Variants in CD200R1 observed in about 807,000 individuals in gnomAD.
CD200R1 encodes CD200 receptor 1, also known as cell surface glycoprotein CD200 receptor 1.
Under a neutral mutation model 38.1 loss-of-function variants are expected in CD200R1, and 30 were observed. That is an observed-to-expected ratio of 0.79 (90% CI 0.59 to 1.07). CD200R1 has a LOEUF of 1.07. Ranked by LOEUF, CD200R1 falls within the 50% of genes least tolerant of loss-of-function variation. The pLI is 0.00. For synonymous variants in CD200R1, 128 were observed against 152.1 expected (o/e 0.84, Z 1.16); for missense variants, 372 against 415.4 (o/e 0.90, Z 0.91).
chr3:112,937,373 A>G (rs779690257), intron 2 of CD200R1, among the ~76,000 whole-genome samples: 7 of 151,890 alleles, frequency 4.6e-5, no homozygotes, highest in Non-Finnish European at 7.4e-5. Flanking sequence ...CAGCCAAACC[A>G]TATCAGAAGG....
chr3:112,938,719 A>G (rs1400623424), intron 2 of CD200R1, among the ~76,000 whole-genome samples: 1 of 152,100 alleles, frequency 6.6e-6, no homozygotes. Context: ...GAAATACTTC[A>G]AACTATTCCA....
chr3:112,972,400 G>C (rs1409470909), intron 1 of CD200R1, among the ~76,000 whole-genome samples: 1 of 152,078 alleles, frequency 6.6e-6, no homozygotes, highest in African/African-American at 2.4e-5. Context: ...ATAAAAATTA[G>C]CCCAAAGAAG....
Position 112,931,126 on chromosome 3 carries a change from T to A in CD200R1, c.182A>T (p.Tyr61Phe). Residue 61 changes from tyrosine to phenylalanine, a missense_variant, in exon 3 of 8, where the codon TAC becomes TTC. Coordinates refer to ENST00000308611, the MANE Select transcript of CD200R1 (RefSeq NM_138806.4). Reference protein sequence around the residue: ...CMDEKQITQNYSKVLAEVNTS... With the variant: ...CMDEKQITQNFSKVLAEVNTS... ...ATTACCTTCTGCGAGTACTTTCGAG[T>A]AGTTCTGTGTAATCTGTTTTTCATC... The A allele has an allele frequency of 6.2e-7, 1 of 1,610,430 alleles. No homozygotes were observed. Among genetic ancestry groups the A allele is most frequent in the South Asian group, 1.1e-5 (1 of 90,998 alleles).
rs760122945 is a variant in CD200R1 at position 112,928,895 on chromosome 3, C to T, written c.690G>A (p.Glu230=). 1.9e-6 allele frequency: 3 copies of T among 1,613,836 alleles called. No homozygotes were observed. Among genetic ancestry groups the T allele is most frequent in the African/African-American group, 1.3e-5 (1 of 74,920 alleles). ...TVTVKSTCHW[E]VHNVSTVTCH... The stretch of plus-strand genomic sequence containing the variant: ...AGGTCACGGTAGACACATTGTGGAC[C>T]TCCCAGTGGCATGTACTCTTAACAG... Residue 230 remains glutamate (E), a synonymous_variant, in exon 5 of 8, where the codon GAG becomes GAA. Coordinates refer to ENST00000308611, the MANE Select transcript of CD200R1 (RefSeq NM_138806.4).
intron 1 of CD200R1, among the ~76,000 whole-genome samples, chr3:112,952,044 CAA>C (rs34215425): frequency 1.5e-3 from 208 of 136,278 alleles, no homozygotes; most frequent in African/African-American, 3.9e-3. Flanking sequence ...AAAAGAATAA[CAA>C]AAAAAAAAAA....
At chr3:112,933,249 G>A (rs1451567555) in intron 2 of CD200R1, among the ~76,000 whole-genome samples, 3 of 152,184 alleles carry the variant, frequency 2.0e-5, no homozygotes, top group African/African-American at 7.2e-5. Flanking sequence ...ATGCCCTGAG[G>A]ATAGCCAAAC....
At chr3:112,935,719 G>A (rs1407452254) in intron 2 of CD200R1, among the ~76,000 whole-genome samples, 1 of 152,140 alleles carries the variant, frequency 6.6e-6, no homozygotes, top group Non-Finnish European at 1.5e-5. Flanking sequence ...GAGGAATAAA[G>A]ATCAGAGCAG....
In CD200R1 at chr3:112,921,540, A is replaced by T. The variant is rs1355711356; in HGVS notation, c.*2137T>A. On this transcript the variant is annotated 3_prime_UTR_variant, in exon 8 of 8. Coordinates refer to ENST00000308611, the MANE Select transcript of CD200R1 (RefSeq NM_138806.4). ...ATGGGGAGAAAGCACAGTAAATGAG[A>T]CATATAAAATGTTATTTGTAAAATG... 6.6e-6 allele frequency: 1 copy of T among 152,026 alleles called. No homozygotes were observed. The highest frequency in any genetic ancestry group is 6.6e-5 in the Admixed American group (1 of 15,230). The allele number at this position is 152,026 out of a possible 1,614,324, so 9.4% of individuals were successfully genotyped here. A position where few individuals can be genotyped will look rare whatever the true frequency, so the allele number is the denominator to read the frequency against.
intron 1 of CD200R1, among the ~76,000 whole-genome samples, chr3:112,948,159 T>C (rs1940904942): frequency 6.6e-6 from 1 of 152,178 alleles, no homozygotes; most frequent in Non-Finnish European, 1.5e-5. Context: ...AGAGTGCCCA[T>C]CACCCCCCTC....
intron 2 of CD200R1, among the ~76,000 whole-genome samples, chr3:112,944,041 C>T (rs944653624): frequency 6.6e-6 from 1 of 151,812 alleles, no homozygotes; most frequent in Non-Finnish European, 1.5e-5. Flanking sequence ...TAGATGGGTT[C>T]ACTGATAAAT....
intron 1 of CD200R1, among the ~76,000 whole-genome samples, chr3:112,959,731 CTCAAAGTT>C (rs1032758236): frequency 8.6e-5 from 13 of 152,006 alleles, no homozygotes; most frequent in African/African-American, 3.1e-4. Flanking sequence ...TTCAATAAGT[CTCAAAGTT>C]TCAAAGTTTC....
rs757737078 is a variant in CD200R1, at chr3:112,923,641, G to A, written c.*36C>T. 20 of 994,464 alleles carry A rather than the reference G, an allele frequency of 2.0e-5. No homozygotes were observed. Among genetic ancestry groups the A allele is most frequent in the Admixed American group, 9.7e-5 (5 of 51,412 alleles). 61.6% of individuals were successfully genotyped at this position (994,464 alleles called of 1,614,324 possible). On this transcript the variant is annotated 3_prime_UTR_variant, in exon 8 of 8. Coordinates refer to ENST00000308611, the MANE Select transcript of CD200R1 (RefSeq NM_138806.4). ...TCAGACAGTAATTATAATGTATCTC[G>A]TTTGTTGTTGTTTCTTGGTACTAGA...
At chr3:112,943,908 G>A (rs960336935) in intron 2 of CD200R1, among the ~76,000 whole-genome samples, 1 of 151,756 alleles carries the variant, frequency 6.6e-6, no homozygotes, top group Non-Finnish European at 1.5e-5. Context: ...CAATTTGGCA[G>A]TTTAAACAGG....
chr3:112,952,535 A>G (rs1940989605), intron 1 of CD200R1, among the ~76,000 whole-genome samples: 1 of 152,124 alleles, frequency 6.6e-6, no homozygotes, highest in Non-Finnish European at 1.5e-5. Context: ...CTATCGCAAG[A>G]ACAAAAAACC....
At chr3:112,938,836 A>G (rs990568296) in intron 2 of CD200R1, among the ~76,000 whole-genome samples, 4 of 152,206 alleles carry the variant, frequency 2.6e-5, no homozygotes, top group Non-Finnish European at 4.4e-5. Context: ...GCAAAAAAGA[A>G]AAGCACAAGC....
At chr3:112,957,069 T>G (rs1264648553) in intron 1 of CD200R1, among the ~76,000 whole-genome samples, 1 of 152,172 alleles carries the variant, frequency 6.6e-6, no homozygotes, top group Non-Finnish European at 1.5e-5. Context: ...CAAGGCAAAG[T>G]TCTATGTTTA....
chr3:112,930,994 A>G, intron 3 of CD200R1, 112 bp downstream of exon 3: 1 of 736,926 alleles, frequency 1.4e-6, no homozygotes, highest in Non-Finnish European at 2.4e-6. Flanking sequence ...CAGATCACCA[A>G]GTTCTTCAAG....
intron 1 of CD200R1, among the ~76,000 whole-genome samples, chr3:112,966,870 T>C (rs1933177611): frequency 6.6e-6 from 1 of 152,088 alleles, no homozygotes; most frequent in Admixed American, 6.5e-5. Flanking sequence ...TCAATTTCCT[T>C]CCCACTCACT....
chr3:112,959,198 A>G (rs1932949421), intron 1 of CD200R1, among the ~76,000 whole-genome samples: 1 of 152,210 alleles, frequency 6.6e-6, no homozygotes, highest in Non-Finnish European at 1.5e-5. Flanking sequence ...CCATACTTAA[A>G]TAGTTAACAT....
Sources: gnomAD v4.1 joint callset for allele counts (sites outside exome capture counted in the v4.1 genomes callset) on GRCh38, gnomAD v4.1.1 for gene constraint, MANE v1.5 for transcripts, NCBI Gene and HGNC (gene_info 2026-07-23, HGNC 2026-07-21) for gene names.